NELL1: variants seen among roughly 807,000 people sequenced by gnomAD.
The protein encoded by NELL1 is protein kinase C-binding protein NELL1.
NELL1 carries 76 observed loss-of-function variants against 107.4 expected under a neutral mutation model. The ratio of observed to expected loss-of-function variants is 0.71; its 90% CI spans 0.59 to 0.86. NELL1 has a LOEUF of 0.86. Ranked by LOEUF, NELL1 falls within the 40% of genes least tolerant of loss-of-function variation. NELL1 has a pLI of 0.00. For missense variants in NELL1, 1,024 were observed against 1,005.5 expected (o/e 1.02, Z -0.25); for synonymous variants, 353 against 341.2 (o/e 1.03, Z -0.38).
intron 17 of NELL1, among the ~76,000 whole-genome samples, chr11:21,562,363 T>G (rs1480721865): frequency 3.3e-5 from 5 of 151,934 alleles, no homozygotes; most frequent in Non-Finnish European, 7.4e-5. Context: ...GCACCTTCAC[T>G]GCAAAGCACT....
At chr11:21,002,671 G>A (rs907887609) in intron 12 of NELL1, among the ~76,000 whole-genome samples, 9 of 152,094 alleles carry the variant, frequency 5.9e-5, no homozygotes, top group South Asian at 2.1e-4. Flanking sequence ...CTTGTCTAGG[G>A]TTCTGCTTTA....
At chr11:21,480,037 C>G (rs928534598) in intron 15 of NELL1, among the ~76,000 whole-genome samples, 3 of 152,068 alleles carry the variant, frequency 2.0e-5, no homozygotes, top group Non-Finnish European at 4.4e-5. Context: ...TTCTCTTGCT[C>G]AGAAGTAAAC....
rs74772763 is a variant in NELL1 at position 20,750,069 on chromosome 11, G to T, written c.185-33611G>T. Among the ~76,000 whole-genome samples the T allele has an allele frequency of 1.0e-3, 159 of 152,202 alleles. No homozygotes were observed. The East Asian group carries it at 0.018, about 17-fold the overall frequency. ...TTACAATCCTATCATTAATGTATAG[G>T]AGTTGCAGTTGCTATATTCTCCAAC... On this transcript the variant is annotated intron_variant, in intron 2 of 19. Coordinates refer to ENST00000357134, the MANE Select transcript of NELL1 (RefSeq NM_006157.5).
chr11:20,943,569 A>G (rs1850902034), intron 10 of NELL1, among the ~76,000 whole-genome samples: 1 of 152,074 alleles, frequency 6.6e-6, no homozygotes, highest in Non-Finnish European at 1.5e-5. Flanking sequence ...GTGACAGTAC[A>G]AGACCCCATT....
chr11:21,132,377 C>T (rs147506806), intron 13 of NELL1, among the ~76,000 whole-genome samples: 4 of 152,278 alleles, frequency 2.6e-5, no homozygotes, highest in Non-Finnish European at 5.9e-5. Context: ...CTCGTTCCAT[C>T]CTCTTGGCCC....
intron 12 of NELL1, among the ~76,000 whole-genome samples, chr11:21,018,155 G>A (rs746631799): frequency 6.6e-6 from 1 of 152,042 alleles, no homozygotes. Context: ...TTGTGTATTT[G>A]TATTTTCTTT....
intron 12 of NELL1, among the ~76,000 whole-genome samples, chr11:21,043,477 A>G (rs188446980): frequency 6.8e-4 from 104 of 152,280 alleles, no homozygotes; most frequent in African/African-American, 2.3e-3. Context: ...TGCCTCCACC[A>G]TGATGTCCAT....
chr11:20,915,717 A>ATATATATATATATATTTTTTTTTTTTTTT, intron 5 of NELL1, among the ~76,000 whole-genome samples: 2 of 58,218 alleles, frequency 3.4e-5, no homozygotes, highest in African/African-American at 1.8e-4. Context: ...ATATATATAT[A>ATATATATATATATATTTTTTTTTTTTTTT]TTTTTTTTTT....
chr11:21,070,748 C>T (rs190781121), intron 12 of NELL1, among the ~76,000 whole-genome samples: 1 of 152,046 alleles, frequency 6.6e-6, no homozygotes, highest in Non-Finnish European at 1.5e-5. Context: ...TGCAGAGCAA[C>T]CATGACATTC....
intron 3 of NELL1, among the ~76,000 whole-genome samples, chr11:20,836,100 G>A (rs1409558436): frequency 2.0e-5 from 3 of 151,910 alleles, no homozygotes; most frequent in Non-Finnish European, 4.4e-5. Flanking sequence ...TCAACAATAA[G>A]TAAACAAACC....
chr11:21,263,156 T>C (rs1264503702), intron 14 of NELL1, among the ~76,000 whole-genome samples: 1 of 151,862 alleles, frequency 6.6e-6, no homozygotes, highest in Admixed American at 6.6e-5. Context: ...GATAATGAAG[T>C]GTTCTGTTAA....
intron 15 of NELL1, among the ~76,000 whole-genome samples, chr11:21,388,010 T>G (rs913000017): frequency 2.4e-4 from 37 of 151,750 alleles, no homozygotes; most frequent in African/African-American, 8.7e-4. Context: ...AGAAATTGCT[T>G]ATGTTTGTAA....
intron 15 of NELL1, among the ~76,000 whole-genome samples, chr11:21,477,925 G>GAATC (rs61706602): frequency 0.88 from 130,072 of 148,616 alleles, 56,964 homozygotes; most frequent in East Asian, 0.98. Flanking sequence ...ATAATAAAAA[G>GAATC]AAGCAGAAAT....
At chr11:21,331,370 A>G (rs11026029) in intron 14 of NELL1, among the ~76,000 whole-genome samples, 75,144 of 151,596 alleles carry the variant, frequency 0.5, 19,145 homozygotes, top group Admixed American at 0.63. Context: ...CTTATCTTTT[A>G]TTTGTTTGCA....
At chr11:21,095,357 G>A (rs1163789873) in intron 12 of NELL1, among the ~76,000 whole-genome samples, 2 of 152,170 alleles carry the variant, frequency 1.3e-5, no homozygotes, top group Non-Finnish European at 2.9e-5. Flanking sequence ...GTCTTCTTCC[G>A]AGCCCTGCAA....
chr11:21,536,514 C>T, intron 16 of NELL1, among the ~76,000 whole-genome samples: 1 of 152,166 alleles, frequency 6.6e-6, no homozygotes, highest in East Asian at 1.9e-4. Flanking sequence ...AGACTTGTCA[C>T]TCCTTTCTTC....
chr11:21,458,792 T>C (rs950798862), intron 15 of NELL1, among the ~76,000 whole-genome samples: 8 of 152,158 alleles, frequency 5.3e-5, no homozygotes, highest in African/African-American at 1.7e-4. Context: ...GTATCATCTC[T>C]ACCTAAATGA....
At chr11:21,239,685 C>T (rs1293334346) in intron 14 of NELL1, among the ~76,000 whole-genome samples, 3 of 151,900 alleles carry the variant, frequency 2.0e-5, no homozygotes, top group African/African-American at 7.3e-5. Flanking sequence ...CTTTTTTCTC[C>T]ACTTCTACAC....
intron 14 of NELL1, among the ~76,000 whole-genome samples, chr11:21,301,356 C>T (rs1849487972): frequency 6.6e-6 from 1 of 152,140 alleles, no homozygotes; most frequent in African/African-American, 2.4e-5. Flanking sequence ...TTTACAGTCC[C>T]ACCAACAGTG....
Sources: gnomAD v4.1 joint callset for allele counts (sites outside exome capture counted in the v4.1 genomes callset) on GRCh38, gnomAD v4.1.1 for gene constraint, MANE v1.5 for transcripts, NCBI Gene and HGNC (gene_info 2026-07-23, HGNC 2026-07-21) for gene names.